Variants in RABGAP1L observed in about 807,000 individuals in gnomAD.
RABGAP1L encodes the protein rab GTPase-activating protein 1-like.
Under a neutral mutation model 137.7 loss-of-function variants are expected in RABGAP1L, and 63 were observed. The ratio of observed to expected loss-of-function variants is 0.46; its 90% confidence interval spans 0.37 to 0.56. The LOEUF (loss-of-function observed/expected upper bound fraction) is 0.56. RABGAP1L is among the 20% of genes least tolerant of loss of function. The pLI is 0.00. For synonymous variants in RABGAP1L, 431 were observed against 433.7 expected, an observed-to-expected ratio of 0.99 and a Z score of 0.08; for missense variants, 1,095 against 1,244.0, an observed-to-expected ratio of 0.88 and a Z score of 1.80.
intron 13 of RABGAP1L, among the ~76,000 whole-genome samples, chr1:174,413,374 C>T (rs988560687): frequency 6.6e-6 from 1 of 152,114 alleles, no homozygotes; most frequent in East Asian, 1.9e-4. Context: ...ACGTTTGTGT[C>T]GATTTTCAAC....
At chr1:174,956,317 A>C (rs1207988758) in intron 19 of RABGAP1L, among the ~76,000 whole-genome samples, 2 of 8,620 alleles carry the variant, frequency 2.3e-4, no homozygotes, top group East Asian at 0.12. Context: ...TTCTGTCTCA[A>C]CCTCCAAGTA....
intron 24 of RABGAP1L, among the ~76,000 whole-genome samples, chr1:174,986,279 C>A (rs1385633873): frequency 6.6e-6 from 1 of 152,138 alleles, no homozygotes; most frequent in Non-Finnish European, 1.5e-5. Flanking sequence ...AGAGCTCCCA[C>A]CATCACACCC....
At chr1:174,837,202 G>C (rs1692848272) in intron 19 of RABGAP1L, among the ~76,000 whole-genome samples, 1 of 115,184 alleles carries the variant, frequency 8.7e-6, no homozygotes, top group East Asian at 3.1e-4. Context: ...AGCAAAACTC[G>C]GTCTCAAAAA....
intron 7 of RABGAP1L, among the ~76,000 whole-genome samples, chr1:174,270,572 C>T (rs1317008706): frequency 6.6e-6 from 1 of 151,810 alleles, no homozygotes; most frequent in Non-Finnish European, 1.5e-5. Flanking sequence ...AAGAAATCTG[C>T]ACTTGTAATC....
intron 13 of RABGAP1L, among the ~76,000 whole-genome samples, chr1:174,506,816 T>A (rs1239273616): frequency 6.6e-6 from 1 of 152,110 alleles, no homozygotes; most frequent in Non-Finnish European, 1.5e-5. Context: ...CCCCAAAAAC[T>A]ATTGAAATAA....
At chr1:174,936,606 A>G (rs1263981757) in intron 19 of RABGAP1L, among the ~76,000 whole-genome samples, 1 of 152,172 alleles carries the variant, frequency 6.6e-6, no homozygotes, top group South Asian at 2.1e-4. Context: ...CAAAAAATAA[A>G]TAAATACATT....
chr1:174,654,750 A>G (rs1256883758), intron 14 of RABGAP1L, among the ~76,000 whole-genome samples: 1 of 152,196 alleles, frequency 6.6e-6, no homozygotes, highest in Non-Finnish European at 1.5e-5. Flanking sequence ...CATAAAAGGA[A>G]ACTTACATAT....
intron 7 of RABGAP1L, among the ~76,000 whole-genome samples, chr1:174,268,405 A>C (rs540957804): frequency 1.3e-5 from 2 of 151,834 alleles, no homozygotes; most frequent in Non-Finnish European, 2.9e-5. Context: ...AGGTTTCACC[A>C]TGTTAGCCAG....
chr1:174,657,136 CA>C (rs775432948), intron 14 of RABGAP1L, among the ~76,000 whole-genome samples: 17 of 152,040 alleles, frequency 1.1e-4, no homozygotes, highest in Non-Finnish European at 2.2e-4. Context: ...GTATTTGCCA[CA>C]ATTTTTTATT....
At chr1:174,925,896 T>G (rs1455632741) in intron 19 of RABGAP1L, among the ~76,000 whole-genome samples, 71 of 146,798 alleles carry the variant, frequency 4.8e-4, no homozygotes, top group South Asian at 1.7e-3. Context: ...TGTGTTTTTT[T>G]TTTTTTTTTT....
chr1:174,257,827 G>A (rs1187425215), intron 7 of RABGAP1L, among the ~76,000 whole-genome samples: 1 of 152,150 alleles, frequency 6.6e-6, no homozygotes, highest in African/African-American at 2.4e-5. Context: ...TGACACAGAA[G>A]AGTTGTATTA....
intron 13 of RABGAP1L, among the ~76,000 whole-genome samples, chr1:174,525,381 A>T (rs778155352): frequency 1.3e-5 from 2 of 151,964 alleles, no homozygotes; most frequent in Non-Finnish European, 2.9e-5. Flanking sequence ...TGTATTCCTA[A>T]GTATTTTATT....
chr1:174,643,183 G>A (rs1674679526), intron 14 of RABGAP1L, among the ~76,000 whole-genome samples: 1 of 152,122 alleles, frequency 6.6e-6, no homozygotes, highest in Non-Finnish European at 1.5e-5. Flanking sequence ...GGATTCCAGA[G>A]TAGGAGCCAT....
At chr1:174,389,220 G>C (rs1256938366) in intron 12 of RABGAP1L, among the ~76,000 whole-genome samples, 1 of 151,708 alleles carries the variant, frequency 6.6e-6, no homozygotes, top group Non-Finnish European at 1.5e-5. Context: ...TCATTATTGC[G>C]GGATGGAGAA....
chr1:174,868,590 ATTAT>A (rs1485417019), intron 19 of RABGAP1L, among the ~76,000 whole-genome samples: 1 of 152,190 alleles, frequency 6.6e-6, no homozygotes, highest in African/African-American at 2.4e-5. Context: ...ATGAAGAAGG[ATTAT>A]TTATTTTCAC....
intron 13 of RABGAP1L, among the ~76,000 whole-genome samples, chr1:174,484,851 A>T (rs917571062): frequency 2.0e-5 from 3 of 152,174 alleles, no homozygotes; most frequent in Non-Finnish European, 4.4e-5. Flanking sequence ...CTGTGCTGTC[A>T]TGTAAATTTC....
At chr1:174,453,396 C>T (rs1655660330) in intron 13 of RABGAP1L, among the ~76,000 whole-genome samples, 3 of 152,070 alleles carry the variant, frequency 2.0e-5, no homozygotes, top group Admixed American at 2.0e-4. Context: ...AATGAAGTTG[C>T]CTTAAAGGAC....
At chr1:174,258,545 TAAAGTGCTTGGCTTCCC>T (rs1558077471) in intron 7 of RABGAP1L, among the ~76,000 whole-genome samples, 2 of 152,194 alleles carry the variant, frequency 1.3e-5, no homozygotes, top group East Asian at 1.9e-4. Context: ...CTTGGCTTCC[TAAAGTGCTTGGCTTCCC>T]AAAGTGCTGG....
intron 13 of RABGAP1L, chr1:174,449,139 A>G (rs549427592): frequency 1.2e-6 from 2 of 1,612,282 alleles, no homozygotes; most frequent in South Asian, 1.1e-5. Context: ...ATGTGTGTGA[A>G]GGATCAGGAA....
Sources: allele counts gnomAD v4.1 joint callset (sites outside exome capture counted in the v4.1 genomes callset), GRCh38; gene constraint gnomAD v4.1.1; transcripts MANE v1.5; gene names NCBI Gene and HGNC (gene_info 2026-07-23, HGNC 2026-07-21).